PAK6: variants seen among roughly 807,000 people sequenced by gnomAD.
PAK6 encodes the protein serine/threonine-protein kinase PAK 6.
In PAK6, 33 loss-of-function variants were observed where a neutral mutation model predicts 60.8. The ratio of observed to expected loss-of-function variants is 0.54; its 90% CI spans 0.41 to 0.73. PAK6 has a LOEUF of 0.73. Among genes scored for constraint, PAK6 ranks in the 30% least tolerant of loss-of-function variants. The pLI is 0.00. For synonymous variants in PAK6, 404 were observed against 378.5 expected, an observed-to-expected ratio of 1.07 and a Z score of -0.78; for missense variants, 845 against 904.1, an observed-to-expected ratio of 0.93 and a Z score of 0.84.
intron 5 of PAK6, among the ~76,000 whole-genome samples, chr15:40,270,857 G>C (rs1489586064): frequency 2.5e-4 from 38 of 152,192 alleles, no homozygotes; most frequent in Admixed American, 2.5e-3. Context: ...AAGCAGGCCA[G>C]GGACTTGGCT....
At chr15:40,260,241 C>T (rs1372224293) in intron 3 of PAK6, 1 of 152,168 alleles carries the variant, frequency 6.6e-6, no homozygotes, top group African/African-American at 2.4e-5. Context: ...TTACCTTTCA[C>T]ATTGAGGTTT....
At chr15:40,270,054 C>A (rs7162220) in intron 5 of PAK6, among the ~76,000 whole-genome samples, 111,349 of 152,126 alleles carry the variant, frequency 0.73, 41,457 homozygotes, top group East Asian at 0.86. Flanking sequence ...CCCGACCCAC[C>A]TGGATGGGTG....
Position 40,266,047 on chromosome 15 carries a change from G to A in PAK6, c.410G>A (p.Arg137His), listed in dbSNP as rs751329273. 95 of 1,607,942 alleles carry A rather than the reference G, an allele frequency of 5.9e-5. No individual in the cohort carries two copies. The highest frequency in any genetic ancestry group is 4.4e-4 in the South Asian group (40 of 90,386). ...TACCTCCAGAGCCCCCAGTCTGAGC[G>A]CACTGACCCCCACGGCCTCTACCTC... The change falls in exon 5 of 11, where the codon CGC (arginine) becomes CAC (histidine). Residue 137 changes from arginine to histidine, a missense_variant. Coordinates refer to ENST00000560346, the Ensembl canonical transcript of PAK6.
intron 2 of PAK6, chr15:40,252,191 C>G: frequency 8.7e-6 from 9 of 1,040,352 alleles, no homozygotes; most frequent in Non-Finnish European, 9.9e-6. Flanking sequence ...TGGGTGGGCA[C>G]ACGCGGCCCG....
At chr15:40,252,292 A>G (rs55799438) in intron 2 of PAK6, 376,092 of 1,220,562 alleles carry the variant, frequency 0.31, 61,623 homozygotes, top group Non-Finnish European at 0.34. Flanking sequence ...CGCTCAGCTG[A>G]TTCTCCAGGT....
At position 40,252,591 on chromosome 15, in the gene PAK6, C is replaced by A. The variant is rs758357182; in HGVS notation, c.-117-587C>A. ...AGCCGGCGCTGCACCAACGTGTAAG[C>A]GCGGCCCCTCCTCGGCGTTCCCGCG... On this transcript the variant is annotated intron_variant, in intron 2 of 10. Coordinates refer to ENST00000560346, the Ensembl canonical transcript of PAK6. 3.0e-6 allele frequency: 4 copies of A among 1,355,460 alleles called. No individual in the cohort carries two copies. The Admixed American group carries it at 7.7e-5, about 26-fold the overall frequency. The allele number at this position is 1,355,460 out of a possible 1,614,324, so 84.0% of individuals were successfully genotyped here. A position where few individuals can be genotyped will look rare whatever the true frequency, so the allele number is the denominator to read the frequency against.
At chr15:40,253,267 G>A (rs918081848) in exon 3 of PAK6, 7 of 455,962 alleles carry the variant, frequency 1.5e-5, no homozygotes, top group Admixed American at 4.7e-5. Flanking sequence ...GAGTCGCGAG[G>A]AAGAGGCGGA....
intron 2 of PAK6, among the ~76,000 whole-genome samples, chr15:40,242,163 T>C (rs2038371272): frequency 1.3e-5 from 2 of 151,946 alleles, no homozygotes; most frequent in Admixed American, 6.5e-5. Context: ...CTGCCTGGGG[T>C]CCTGAGGGCT....
At chr15:40,268,905 G>T (rs1022928147) in intron 5 of PAK6, among the ~76,000 whole-genome samples, 2 of 152,232 alleles carry the variant, frequency 1.3e-5, no homozygotes, top group Non-Finnish European at 2.9e-5. Flanking sequence ...GCAGCCACGG[G>T]CGTCCTGCGG....
chr15:40,259,234 G>C (rs1274679304), intron 3 of PAK6: 2 of 152,268 alleles, frequency 1.3e-5, no homozygotes, highest in Non-Finnish European at 2.9e-5. Flanking sequence ...CCCCATGGCT[G>C]GTGCAGCAGC....
intron 4 of PAK6, 145 bp from the exon 5 acceptor site, chr15:40,265,697 T>A: frequency 1.5e-6 from 1 of 651,038 alleles, no homozygotes; most frequent in Non-Finnish European, 2.4e-6. Flanking sequence ...TATGGAAAAA[T>A]TAATGGGTGG....
chr15:40,255,478 C>A (rs1191463860), intron 3 of PAK6, among the ~76,000 whole-genome samples: 2 of 152,204 alleles, frequency 1.3e-5, no homozygotes, highest in Non-Finnish European at 2.9e-5. Context: ...CGCACTTCAG[C>A]ACACTGACCC....
At chr15:40,276,240 A>T (rs34376657) in exon 11 of PAK6, 26 of 809,968 alleles carry the variant, frequency 3.2e-5, no homozygotes, top group African/African-American at 3.1e-4. Flanking sequence ...TCTGCCCTTC[A>T]GCCTACTGGG....
rs368631448 is a variant in PAK6 at position 40,274,721 on chromosome 15, G to A, written c.1878+445G>A. On this transcript the variant is annotated intron_variant, in intron 10 of 10. Transcript: ENST00000560346. ...ACGGCGAGTCGGCTCATGCTCCATCGTTGCACACCCCGACACAGCTAAGCC... is the reference window on the plus strand; with the variant it reads ...ACGGCGAGTCGGCTCATGCTCCATCATTGCACACCCCGACACAGCTAAGCC... Among the ~76,000 whole-genome samples, 120 of 152,314 alleles carry A rather than the reference G, an allele frequency of 7.9e-4. 1 individual carries two copies. Among genetic ancestry groups the A allele is most frequent in the South Asian group, 5.4e-3 (26 of 4,830 alleles).
At chr15:40,265,532 C>G (rs1362572825) in intron 4 of PAK6, among the ~76,000 whole-genome samples, 1 of 152,194 alleles carries the variant, frequency 6.6e-6, no homozygotes, top group Non-Finnish European at 1.5e-5. Flanking sequence ...TGGAGCCCCG[C>G]CCCCTGAGCT....
chr15:40,244,428 G>A (rs1036428098), intron 2 of PAK6, among the ~76,000 whole-genome samples: 17 of 144,474 alleles, frequency 1.2e-4, no homozygotes, highest in African/African-American at 4.4e-4. Context: ...ACAGAGTTTC[G>A]CTCTTGTTGC....
intron 1 of PAK6, among the ~76,000 whole-genome samples, chr15:40,240,281 G>C (rs559493363): frequency 6.6e-6 from 1 of 152,308 alleles, no homozygotes; most frequent in South Asian, 2.1e-4. Context: ...AGCTCACAGG[G>C]ACACATTCAG....
chr15:40,242,259 A>C (rs913135450), intron 2 of PAK6, among the ~76,000 whole-genome samples: 1 of 152,204 alleles, frequency 6.6e-6, no homozygotes, highest in Non-Finnish European at 1.5e-5. Context: ...GGCAGGGAAG[A>C]GGCTAAGACA....
intron 5 of PAK6, 25 bp from the exon 6 acceptor site, chr15:40,272,199 C>T (rs960841185): frequency 6.3e-7 from 1 of 1,591,680 alleles, no homozygotes; most frequent in South Asian, 1.1e-5. Flanking sequence ...CAGCCCTGAC[C>T]CTTCCTGTTG....
Sources: gnomAD v4.1 joint callset for allele counts (sites outside exome capture counted in the v4.1 genomes callset) on GRCh38, gnomAD v4.1.1 for gene constraint, MANE v1.5 for transcripts, NCBI Gene and HGNC (gene_info 2026-07-23, HGNC 2026-07-21) for gene names.